The following SORCS3 variants were observed in gnomAD, a reference collection of about 807,000 sequenced individuals.
SORCS3 encodes the protein VPS10 domain-containing receptor SorCS3.
SORCS3 carries 57 observed loss-of-function variants against 146.3 expected under a neutral mutation model. The ratio of observed to expected loss-of-function variants is 0.39; its 90% CI spans 0.31 to 0.49. The LOEUF (loss-of-function observed/expected upper bound fraction) is 0.49, where lower values mean the gene tolerates loss of function less well. SORCS3 is among the 20% of genes least tolerant of loss of function. SORCS3 has a pLI of 0.92. For missense variants in SORCS3, 1,341 were observed against 1,575.5 expected (o/e 0.85, Z 2.52); for synonymous variants, 653 against 618.5 (o/e 1.06, Z -0.83).
chr10:105,025,751 C>T (rs1370335353), intron 4 of SORCS3, among the ~76,000 whole-genome samples: 4 of 151,726 alleles, frequency 2.6e-5, no homozygotes, highest in Non-Finnish European at 4.4e-5. Context: ...TTATCCCCAG[C>T]CCTTAGCAGA....
At chr10:105,007,295 C>A (rs2055102308) in intron 4 of SORCS3, among the ~76,000 whole-genome samples, 1 of 152,070 alleles carries the variant, frequency 6.6e-6, no homozygotes, top group East Asian at 1.9e-4. Context: ...TCTCAAGGAT[C>A]TTTACAGTTT....
chr10:104,930,288 G>A (rs1215956882), intron 3 of SORCS3, among the ~76,000 whole-genome samples: 1 of 152,196 alleles, frequency 6.6e-6, no homozygotes, highest in African/African-American at 2.4e-5. Context: ...GCCAAGTCAG[G>A]TTTTGAAACC....
chr10:105,032,157 A>T (rs1448088613), intron 4 of SORCS3, among the ~76,000 whole-genome samples: 2 of 152,152 alleles, frequency 1.3e-5, no homozygotes, highest in African/African-American at 4.8e-5. Context: ...GCGCCACTGC[A>T]CTCCAGCCTG....
At chr10:105,043,149 C>T (rs1041348741) in intron 5 of SORCS3, 21 bp downstream of exon 5, 1 of 1,602,526 alleles carries the variant, frequency 6.2e-7, no homozygotes, top group South Asian at 1.1e-5. Context: ...TCCACACACT[C>T]ATTACTTCTT....
At chr10:105,209,774 G>T (rs905063690) in intron 16 of SORCS3, among the ~76,000 whole-genome samples, 1 of 152,178 alleles carries the variant, frequency 6.6e-6, no homozygotes, top group African/African-American at 2.4e-5. Context: ...CTGGCTAGAA[G>T]TGTTCAGTTA....
chr10:104,699,756 A>G (rs1425925359), intron 1 of SORCS3, among the ~76,000 whole-genome samples: 1 of 152,214 alleles, frequency 6.6e-6, no homozygotes, highest in Non-Finnish European at 1.5e-5. Flanking sequence ...GATACAAAGT[A>G]TTATAAAACC....
chr10:104,995,545 T>C (rs951568798), intron 4 of SORCS3, among the ~76,000 whole-genome samples: 5 of 152,214 alleles, frequency 3.3e-5, no homozygotes, highest in Non-Finnish European at 5.9e-5. Flanking sequence ...TTGAACATCT[T>C]TTCATGCACT....
At chr10:104,955,208 C>T (rs768628973) in intron 3 of SORCS3, among the ~76,000 whole-genome samples, 4 of 151,826 alleles carry the variant, frequency 2.6e-5, no homozygotes, top group East Asian at 3.9e-4. Flanking sequence ...GGCAATCACC[C>T]GTCGGCATTT....
intron 14 of SORCS3, among the ~76,000 whole-genome samples, chr10:105,198,935 C>T (rs1001002097): frequency 1.3e-5 from 2 of 152,172 alleles, no homozygotes; most frequent in Non-Finnish European, 2.9e-5. Flanking sequence ...CAAGTTTTGT[C>T]AGTCTCTACC....
At chr10:104,757,513 C>T (rs1295870925) in intron 1 of SORCS3, among the ~76,000 whole-genome samples, 2 of 152,100 alleles carry the variant, frequency 1.3e-5, no homozygotes, top group African/African-American at 2.4e-5. Flanking sequence ...TTTTGCGTTT[C>T]GAGGTGTTAC....
chr10:105,186,885 A>G (rs2056480686), intron 14 of SORCS3, among the ~76,000 whole-genome samples: 1 of 59,994 alleles, frequency 1.7e-5, no homozygotes, highest in Non-Finnish European at 3.5e-5. Context: ...ACTCCATCTC[A>G]AAAAAAAAAA....
chr10:104,694,855 T>G (rs2016155366), intron 1 of SORCS3, among the ~76,000 whole-genome samples: 1 of 152,218 alleles, frequency 6.6e-6, no homozygotes, highest in African/African-American at 2.4e-5. Flanking sequence ...TATATGAGAT[T>G]ATTGATATAA....
intron 1 of SORCS3, among the ~76,000 whole-genome samples, chr10:104,800,745 A>G (rs1199851112): frequency 6.6e-6 from 1 of 152,194 alleles, no homozygotes; most frequent in East Asian, 1.9e-4. Context: ...GAGTGAGAAA[A>G]GGGTGACAGG....
At chr10:104,720,820 G>T (rs1030815551) in intron 1 of SORCS3, among the ~76,000 whole-genome samples, 5 of 152,148 alleles carry the variant, frequency 3.3e-5, no homozygotes, top group African/African-American at 7.2e-5. Flanking sequence ...TGTTGATGGG[G>T]TTGTTTGTTT....
intron 6 of SORCS3, among the ~76,000 whole-genome samples, chr10:105,095,441 G>A (rs2133745725): frequency 6.6e-6 from 1 of 152,250 alleles, no homozygotes; most frequent in South Asian, 2.1e-4. Context: ...TGAGCAGACA[G>A]ACTTATCCAG....
At chr10:104,694,218 A>G (rs1185645462) in intron 1 of SORCS3, among the ~76,000 whole-genome samples, 1 of 150,778 alleles carries the variant, frequency 6.6e-6, no homozygotes, top group Non-Finnish European at 1.5e-5. Flanking sequence ...ATTCAGCCCA[A>G]GTTTTAAAGG....
At chr10:104,686,144 C>G (rs1053847296) in intron 1 of SORCS3, among the ~76,000 whole-genome samples, 2 of 152,056 alleles carry the variant, frequency 1.3e-5, no homozygotes, top group Non-Finnish European at 2.9e-5. Context: ...CGCAGGCCAC[C>G]ATCACTATCT....
chr10:105,077,364 A>T (rs1397188192), intron 5 of SORCS3, among the ~76,000 whole-genome samples: 1 of 152,182 alleles, frequency 6.6e-6, no homozygotes, highest in Non-Finnish European at 1.5e-5. Flanking sequence ...TTTGAAGAAC[A>T]CTAATCTAGG....
chr10:104,725,078 T>C, intron 1 of SORCS3, among the ~76,000 whole-genome samples: 1 of 152,232 alleles, frequency 6.6e-6, no homozygotes, highest in Non-Finnish European at 1.5e-5. Flanking sequence ...CCAGTTTTTC[T>C]GCTCTGTTTT....
Sources: allele counts gnomAD v4.1 joint callset (sites outside exome capture counted in the v4.1 genomes callset), GRCh38; gene constraint gnomAD v4.1.1; transcripts MANE v1.5; gene names NCBI Gene and HGNC (gene_info 2026-07-23, HGNC 2026-07-21).